Variants in CNTLN observed in about 807,000 individuals in gnomAD.
CNTLN encodes centlein.
In CNTLN, 212 loss-of-function variants were observed where a neutral mutation model predicts 180.0. The ratio of observed to expected loss-of-function variants is 1.18; its 90% CI spans 1.05 to 1.32. The LOEUF (loss-of-function observed/expected upper bound fraction) is 1.32, where lower values mean the gene tolerates loss of function less well. Ranked by LOEUF, CNTLN falls within the 40% of genes most tolerant of loss-of-function variation. The probability of loss-of-function intolerance (pLI) is 0.00; values close to 1 mark genes in which losing one functional copy is unlikely to be tolerated. For synonymous variants in CNTLN, 722 were observed against 563.1 expected (o/e 1.28, Z -3.99); for missense variants, 2,095 against 1,610.9 (o/e 1.30, Z -5.14).
intron 16 of CNTLN, among the ~76,000 whole-genome samples, chr9:17,414,819 G>C (rs1828103488): frequency 6.6e-6 from 1 of 152,190 alleles, no homozygotes; most frequent in South Asian, 2.1e-4. Context: ...GCTAGGCACT[G>C]TGGCTCACGC....
chr9:17,207,459 C>T (rs1459812691), intron 2 of CNTLN, among the ~76,000 whole-genome samples: 2 of 152,164 alleles, frequency 1.3e-5, no homozygotes, highest in South Asian at 2.1e-4. Flanking sequence ...CAGCTTTGTG[C>T]TTGAGACCCA....
intron 18 of CNTLN, among the ~76,000 whole-genome samples, chr9:17,444,820 G>C (rs1830307615): frequency 6.6e-6 from 1 of 152,176 alleles, no homozygotes; most frequent in East Asian, 1.9e-4. Flanking sequence ...AATAGAAAAT[G>C]AAGGGAAGGC....
intron 16 of CNTLN, among the ~76,000 whole-genome samples, chr9:17,413,676 C>T (rs1160827296): frequency 6.6e-6 from 1 of 152,128 alleles, no homozygotes; most frequent in Non-Finnish European, 1.5e-5. Context: ...TTCAACTTCA[C>T]TATTAGGAAA....
At chr9:17,179,814 T>C (rs1027377021) in intron 2 of CNTLN, among the ~76,000 whole-genome samples, 2 of 151,648 alleles carry the variant, frequency 1.3e-5, no homozygotes, top group Admixed American at 1.3e-4. Flanking sequence ...TTCAGTTCTA[T>C]CAGTTTTTTT....
At chr9:17,211,077 A>G (rs1352423227) in intron 2 of CNTLN, among the ~76,000 whole-genome samples, 1 of 152,034 alleles carries the variant, frequency 6.6e-6, no homozygotes, top group Non-Finnish European at 1.5e-5. Context: ...CCATTTGTCA[A>G]TTTTGGCTTT....
intron 23 of CNTLN, among the ~76,000 whole-genome samples, chr9:17,478,597 C>T (rs76004460): frequency 0.026 from 3,960 of 151,866 alleles, 171 homozygotes; most frequent in African/African-American, 0.09. Flanking sequence ...TGGACTCAAG[C>T]GTCTTCTAGA....
At chr9:17,168,747 G>A (rs909000660) in intron 2 of CNTLN, among the ~76,000 whole-genome samples, 15 of 152,094 alleles carry the variant, frequency 9.9e-5, no homozygotes, top group Non-Finnish European at 1.5e-4. Flanking sequence ...TACCATTTAT[G>A]ATAAAGACCT....
At chr9:17,348,452 T>G (rs982406487) in intron 12 of CNTLN, among the ~76,000 whole-genome samples, 2 of 152,134 alleles carry the variant, frequency 1.3e-5, no homozygotes, top group Non-Finnish European at 2.9e-5. Context: ...TGACATTGCA[T>G]CGAGAGAGTT....
At chr9:17,257,124 C>G (rs1365692578) in intron 5 of CNTLN, among the ~76,000 whole-genome samples, 9 of 151,862 alleles carry the variant, frequency 5.9e-5, no homozygotes, top group African/African-American at 1.9e-4. Context: ...TATCCCTCCC[C>G]CCTCCTCCCA....
chr9:17,227,711 T>A (rs1824557935), intron 3 of CNTLN, among the ~76,000 whole-genome samples: 1 of 152,246 alleles, frequency 6.6e-6, no homozygotes, highest in Non-Finnish European at 1.5e-5. Flanking sequence ...TAAAAAGGAA[T>A]ATTGATTCCA....
intron 3 of CNTLN, among the ~76,000 whole-genome samples, chr9:17,226,868 A>AAG (rs1470017611): frequency 6.6e-6 from 1 of 151,780 alleles, no homozygotes; most frequent in African/African-American, 2.4e-5. Flanking sequence ...TAGCAGGAGC[A>AAG]AGAGAGAGAG....
At chr9:17,512,891 A>G in the CNTLN span, among the ~76,000 whole-genome samples, 2 of 152,060 alleles carry the variant, frequency 1.3e-5, no homozygotes, top group Non-Finnish European at 2.9e-5. Context: ...ATCTCAGCTC[A>G]CTGCAAGCTC....
intron 5 of CNTLN, among the ~76,000 whole-genome samples, chr9:17,268,693 G>A (rs1827698274): frequency 6.6e-6 from 1 of 152,158 alleles, no homozygotes; most frequent in Non-Finnish European, 1.5e-5. Flanking sequence ...GCTCCACCCA[G>A]TTCCAGCTTC....
chr9:17,382,632 C>T (rs1309754237), intron 13 of CNTLN, among the ~76,000 whole-genome samples: 1 of 152,056 alleles, frequency 6.6e-6, no homozygotes, highest in Non-Finnish European at 1.5e-5. Context: ...AGGAGAATAA[C>T]AAAAATTGTT....
rs989891348 is a variant in CNTLN at position 17,409,257 on chromosome 9, T to C, written c.2616-36T>C. ...AGACAAGTACATGTAACAACTTTTATTCTTGGATTTTATGTCCCTACTTTT... is the reference window on the plus strand; with the variant it reads ...AGACAAGTACATGTAACAACTTTTACTCTTGGATTTTATGTCCCTACTTTT... On this transcript the variant is annotated intron_variant, in intron 15 of 25. Coordinates refer to ENST00000380647, the MANE Select transcript of CNTLN (RefSeq NM_017738.4). 2.5e-6 allele frequency: 4 copies of C among 1,588,512 alleles called. No individual in the cohort carries two copies. In the African/African-American group the frequency reaches 5.5e-5, roughly 22 times the overall value.
At chr9:17,188,301 A>C (rs1821562637) in intron 2 of CNTLN, among the ~76,000 whole-genome samples, 1 of 152,046 alleles carries the variant, frequency 6.6e-6, no homozygotes, top group South Asian at 2.1e-4. Flanking sequence ...TGAAATTCTG[A>C]AGATTAGCCC....
chr9:17,203,309 G>C (rs1822681792), intron 2 of CNTLN, among the ~76,000 whole-genome samples: 1 of 152,118 alleles, frequency 6.6e-6, no homozygotes, highest in Non-Finnish European at 1.5e-5. Context: ...TGACGGTTAT[G>C]TGTCTTGTGG....
intron 23 of CNTLN, among the ~76,000 whole-genome samples, chr9:17,471,603 C>G (rs1832045309): frequency 6.6e-6 from 1 of 152,040 alleles, no homozygotes; most frequent in African/African-American, 2.4e-5. Context: ...AGTGTTTTTA[C>G]TTAACTTGAT....
chr9:17,400,037 G>C (rs987168654), intron 15 of CNTLN, among the ~76,000 whole-genome samples: 16 of 151,962 alleles, frequency 1.1e-4, no homozygotes, highest in African/African-American at 3.6e-4. Flanking sequence ...AGATTTGTTT[G>C]GTTTTCTTTT....
Sources: allele counts gnomAD v4.1 joint callset (sites outside exome capture counted in the v4.1 genomes callset), GRCh38; gene constraint gnomAD v4.1.1; transcripts MANE v1.5; gene names NCBI Gene and HGNC (gene_info 2026-07-23, HGNC 2026-07-21).